SYT11: variants seen among roughly 807,000 people sequenced by gnomAD.
The protein encoded by SYT11 is synaptotagmin 11.
A neutral mutation model predicts 30.4 loss-of-function variants in SYT11; 12 were observed. The observed-to-expected ratio is 0.39, with a 90% CI of 0.25 to 0.64. SYT11 has a LOEUF of 0.64. Among genes scored for constraint, SYT11 ranks in the 30% least tolerant of loss-of-function variants. SYT11 has a pLI of 0.45. For missense variants in SYT11, 412 were observed against 552.0 expected, an observed-to-expected ratio of 0.75 and a Z score of 2.54; for synonymous variants, 204 against 216.0, an observed-to-expected ratio of 0.94 and a Z score of 0.49.
Position 155,880,321 on chromosome 1 carries a change from C to T in SYT11, c.862-179C>T, listed in dbSNP as rs114677516. 3.8e-3 allele frequency among the ~76,000 whole-genome samples: 572 copies of T among 152,300 alleles called. 5 individuals are homozygous for T. The highest frequency in any genetic ancestry group is 0.013 in the African/African-American group (546 of 41,558). On this transcript the variant is annotated intron_variant, in intron 2 of 3. Coordinates refer to ENST00000368324, the MANE Select transcript of SYT11 (RefSeq NM_152280.5). ...TATCAGAATTATGGTTATAATGTTTCCTTTCTCCCTCCTTGTTAAATAAAA... is the reference window on the plus strand; with the variant it reads ...TATCAGAATTATGGTTATAATGTTTTCTTTCTCCCTCCTTGTTAAATAAAA...
intron 2 of SYT11, 61 bp from the exon 3 acceptor site, chr1:155,880,438 AC>A: frequency 1.3e-6 from 2 of 1,597,848 alleles, no homozygotes; most frequent in Non-Finnish European, 8.5e-7. Context: ...TGCTCTGCAC[AC>A]TTTTTGTGCT....
At chr1:155,865,896 A>G (rs561741697) in intron 1 of SYT11, among the ~76,000 whole-genome samples, 4 of 151,502 alleles carry the variant, frequency 2.6e-5, no homozygotes, top group Non-Finnish European at 5.9e-5. Context: ...TGCCCAGGCT[A>G]CATTTATTTC....
At chr1:155,870,038 T>C (rs28448584) in intron 2 of SYT11, among the ~76,000 whole-genome samples, 1 of 152,238 alleles carries the variant, frequency 6.6e-6, no homozygotes, top group Non-Finnish European at 1.5e-5. Context: ...ATAATATGCC[T>C]GGCATATGAT....
intron 1 of SYT11, among the ~76,000 whole-genome samples, chr1:155,862,105 C>T (rs1371996193): frequency 3.9e-5 from 6 of 152,222 alleles, no homozygotes; most frequent in Non-Finnish European, 7.3e-5. Flanking sequence ...TAAACCATTA[C>T]AGAGGATCTC....
In SYT11 at chr1:155,880,594, C is replaced by T. The variant is rs747423514; in HGVS notation, c.956C>T (p.Pro319Leu). The T allele has an allele frequency of 4.3e-6, 7 of 1,613,978 alleles. No individual in the cohort carries two copies. The highest frequency in any genetic ancestry group is 5.9e-6 in the Non-Finnish European group (7 of 1,179,932). Reference sequence around the variant, plus strand: ...GTGGTCCTCAAAGCCAGACACTTGCCGAAGATGGATATCACCGGTCTCTCA... The same window carrying T: ...GTGGTCCTCAAAGCCAGACACTTGCTGAAGATGGATATCACCGGTCTCTCA... ...TVVVLKARHL[P>L]KMDITGLSGN... The change falls in exon 3 of 4, where the codon CCG (proline) becomes CTG (leucine). Residue 319 changes from proline to leucine, a missense_variant. Physicochemically the swap from Pro to Leu is moderately conservative, Grantham distance 98. Transcript: ENST00000368324.
In SYT11 at chr1:155,859,571, C is replaced by T. The variant is rs987919312; in HGVS notation, c.-191C>T. On this transcript the variant is annotated 5_prime_UTR_variant, in exon 1 of 4. Transcript: ENST00000368324. ...CTGCACCTGCATCCTTAGCTCAGCG[C>T]ATCCCCGGAGCATCTTAAGAGCTGA... 6.1e-6 allele frequency: 4 copies of T among 652,226 alleles called. No individual in the cohort carries two copies. In the East Asian group the frequency reaches 1.0e-4, roughly 17 times the overall value. The allele number at this position is 652,226 out of a possible 1,614,324, so 40.4% of individuals were successfully genotyped here.
chr1:155,876,235 C>CTTT (rs67952920), intron 2 of SYT11, among the ~76,000 whole-genome samples: 1,946 of 96,204 alleles, frequency 0.02, 93 homozygotes, highest in East Asian at 0.061. Flanking sequence ...ACTCACCTCC[C>CTTT]TTTTTTTTTT....
Position 155,868,219 on chromosome 1 carries a change from G to A in SYT11, c.289G>A (p.Asp97Asn), listed in dbSNP as rs1447949693. 6.2e-7 allele frequency: 1 copy of A among 1,614,044 alleles called. No individual in the cohort carries two copies. Among genetic ancestry groups the A allele is most frequent in the African/African-American group, 1.3e-5 (1 of 74,912 alleles). The change falls in exon 2 of 4, where the codon GAC becomes AAC. Residue 97 changes from aspartate (D) to asparagine (N), a missense_variant. Coordinates refer to ENST00000368324, the MANE Select transcript of SYT11 (RefSeq NM_152280.5). The surrounding 1 kb of genome is among the most constrained non-coding windows in gnomAD (Gnocchi z 4.7). Reference protein sequence around the residue: ...REGGRRNLLVDAAEAGLLSRD... With the variant: ...REGGRRNLLVNAAEAGLLSRD... ...AGGTGGACGTAGGAACCTGTTGGTG[G>A]ACGCAGCAGAGGCTGGCCTGCTAAG...
At chr1:155,863,250 T>G (rs1276242607) in intron 1 of SYT11, among the ~76,000 whole-genome samples, 1 of 152,010 alleles carries the variant, frequency 6.6e-6, no homozygotes, top group Non-Finnish European at 1.5e-5. Context: ...GGCCAGGAAT[T>G]CAAAACCAGA....
chr1:155,878,156 T>A (rs1672898755), intron 2 of SYT11, among the ~76,000 whole-genome samples: 1 of 151,754 alleles, frequency 6.6e-6, no homozygotes. Flanking sequence ...GGTGGGAGGA[T>A]CTCCTGAGCC....
intron 2 of SYT11, among the ~76,000 whole-genome samples, chr1:155,871,460 T>C (rs1672780112): frequency 6.6e-6 from 1 of 152,166 alleles, no homozygotes; most frequent in Non-Finnish European, 1.5e-5. Context: ...GCTATACACT[T>C]GCAGCCCAAG....
chr1:155,866,194 C>T (rs1340999604), intron 1 of SYT11, among the ~76,000 whole-genome samples: 4 of 145,972 alleles, frequency 2.7e-5, no homozygotes, highest in Non-Finnish European at 4.5e-5. Flanking sequence ...CTCACTATAA[C>T]CTCCACCTCC....
rs755154115 is a variant in SYT11 at position 155,866,985 on chromosome 1, CACACACAT to C, written c.35-978_35-971del. 2.6e-3 allele frequency among the ~76,000 whole-genome samples: 270 copies of C among 104,540 alleles called. 2 individuals are homozygous for C. Among genetic ancestry groups the C allele is most frequent in the African/African-American group, 4.9e-3 (184 of 37,568 alleles). The allele number at this position is 104,540 out of a possible 152,430, so 68.6% of individuals were successfully genotyped here. A position where few individuals can be genotyped will look rare whatever the true frequency, so the allele number is the denominator to read the frequency against. On this transcript the variant is annotated intron_variant, in intron 1 of 3. Transcript: ENST00000368324. ...ATACACATACACACACACACACACA[CACACACAT>C]ATATATATATACATACATACACACA...
Position 155,868,730 on chromosome 1 carries a change from G to C in SYT11, c.800G>C (p.Gly267Ala), listed in dbSNP as rs1395155064. 6.2e-7 allele frequency: 1 copy of C among 1,614,206 alleles called. No individual in the cohort carries two copies. Among genetic ancestry groups the C allele is most frequent in the South Asian group, 1.1e-5 (1 of 91,086 alleles). The change falls in exon 2 of 4, where the codon GGG becomes GCG. Residue 267 changes from glycine (G) to alanine (A), a missense_variant. Physicochemically the swap from Gly to Ala is moderately conservative, Grantham distance 60 (BLOSUM62 0). Transcript: ENST00000368324. The surrounding 1 kb of genome is among the most constrained non-coding windows in gnomAD (Gnocchi z 4.7). ...VIGEVMVPLA[G>A]VDPSTGKVQL... The stretch of plus-strand genomic sequence containing the variant: ...GGCGAGGTCATGGTGCCACTGGCAG[G>C]GGTGGACCCCAGCACAGGCAAGGTA...
At chr1:155,873,603 G>A (rs1034069613) in intron 2 of SYT11, among the ~76,000 whole-genome samples, 8 of 152,044 alleles carry the variant, frequency 5.3e-5, no homozygotes, top group African/African-American at 1.2e-4. Context: ...GGAAACAGAC[G>A]GGAGCAGTAG....
intron 1 of SYT11, among the ~76,000 whole-genome samples, chr1:155,865,623 T>C (rs1672660248): frequency 6.7e-6 from 1 of 149,204 alleles, no homozygotes; most frequent in East Asian, 2.0e-4. Flanking sequence ...AGCAAAACTC[T>C]GTCTCAAAAA....
chr1:155,874,388 C>T (rs559142178), intron 2 of SYT11, among the ~76,000 whole-genome samples: 2 of 151,308 alleles, frequency 1.3e-5, no homozygotes, highest in African/African-American at 4.9e-5. Flanking sequence ...TCACTTGAGC[C>T]CAGGAGTTTG....
chr1:155,873,372 G>A (rs1385660615), intron 2 of SYT11, among the ~76,000 whole-genome samples: 1 of 152,138 alleles, frequency 6.6e-6, no homozygotes, highest in Non-Finnish European at 1.5e-5. Flanking sequence ...GTTGCAGTGA[G>A]CCAAGATCAC....
At position 155,884,341 on chromosome 1, in the gene SYT11, C is replaced by T. The variant is rs558821236; in HGVS notation, c.*2833C>T. On this transcript the variant is annotated 3_prime_UTR_variant, in exon 4 of 4. Coordinates refer to ENST00000368324, the MANE Select transcript of SYT11 (RefSeq NM_152280.5). ...TTTATTCCTTGCATCTTTGGGTCTA[C>T]TGAGCAGTGGGTGCTGAGGTGACAG... 1.3e-5 allele frequency: 2 copies of T among 152,924 alleles called. No homozygotes were observed. The highest frequency in any genetic ancestry group is 3.8e-4 in the East Asian group (2 of 5,326). The allele number at this position is 152,924 out of a possible 1,614,324, so 9.5% of individuals were successfully genotyped here.
Sources: gnomAD v4.1 joint callset for allele counts (sites outside exome capture counted in the v4.1 genomes callset) on GRCh38, gnomAD v4.1.1 for gene constraint, Gnocchi (gnomAD v3.1) non-coding constraint, MANE v1.5 for transcripts, NCBI Gene and HGNC (gene_info 2026-07-23, HGNC 2026-07-21) for gene names.